The following LRRTM4 variants were observed in gnomAD, a reference collection of about 807,000 sequenced individuals.
The protein encoded by LRRTM4 is leucine-rich repeat transmembrane neuronal protein 4.
LRRTM4 carries 25 observed loss-of-function variants against 47.6 expected under a neutral mutation model. The observed-to-expected ratio is 0.53, with a 90% CI of 0.38 to 0.73. LRRTM4 has a LOEUF of 0.73. Among genes scored for constraint, LRRTM4 ranks in the 30% least tolerant of loss-of-function variants. The probability of loss-of-function intolerance (pLI) is 0.00; values close to 1 mark genes in which losing one functional copy is unlikely to be tolerated. For synonymous variants in LRRTM4, 311 were observed against 269.5 expected (o/e 1.15, Z -1.51); for missense variants, 638 against 713.4 (o/e 0.89, Z 1.20).
intron 3 of LRRTM4, among the ~76,000 whole-genome samples, chr2:76,818,427 A>G (rs1670961687): frequency 6.6e-6 from 1 of 151,820 alleles, no homozygotes; most frequent in Non-Finnish European, 1.5e-5. Flanking sequence ...GGCTGAACAC[A>G]TTACTAAACT....
rs141217394 is a variant in LRRTM4 at position 76,905,462 on chromosome 2, C to T, written c.1552-156546G>A. Among the ~76,000 whole-genome samples the T allele has an allele frequency of 5.1e-3, 778 of 152,238 alleles. 11 individuals carry two copies. The highest frequency in any genetic ancestry group is 0.017 in the African/African-American group (715 of 41,522). ...GAGCACCTCTCCTCCTCCAAAGGAT[C>T]GCAGTTCCTCACCAGCAATGGAAAA... On this transcript the variant is annotated intron_variant, in intron 3 of 3. Transcript: ENST00000409884.
chr2:77,374,711 A>G (rs1032434838), intron 3 of LRRTM4, among the ~76,000 whole-genome samples: 3 of 151,794 alleles, frequency 2.0e-5, no homozygotes, highest in Non-Finnish European at 2.9e-5. Flanking sequence ...ATTCTTGACT[A>G]GAGACCATCT....
intron 3 of LRRTM4, among the ~76,000 whole-genome samples, chr2:77,292,697 T>G (rs1309673742): frequency 2.0e-5 from 1 of 51,010 alleles, no homozygotes; most frequent in African/African-American, 7.5e-5. Context: ...GGGACTGTTG[T>G]GGGGTGGGGG....
At chr2:77,500,625 C>T (rs1265499879) in intron 3 of LRRTM4, among the ~76,000 whole-genome samples, 2 of 151,474 alleles carry the variant, frequency 1.3e-5, no homozygotes, top group Admixed American at 1.3e-4. Flanking sequence ...AAATGAAAAT[C>T]AACATAAGTA....
chr2:76,974,071 C>T (rs1472747485), intron 3 of LRRTM4, among the ~76,000 whole-genome samples: 5 of 150,626 alleles, frequency 3.3e-5, no homozygotes, highest in Non-Finnish European at 5.9e-5. Flanking sequence ...AAGGTTTTAC[C>T]ATCCGTTTAA....
chr2:76,905,693 A>G (rs1002966024), intron 3 of LRRTM4, among the ~76,000 whole-genome samples: 2 of 147,878 alleles, frequency 1.4e-5, no homozygotes, highest in African/African-American at 5.0e-5. Flanking sequence ...GAACTACGTG[A>G]AGAATGCAGA....
At chr2:76,750,667 T>C (rs764301854) in intron 3 of LRRTM4, among the ~76,000 whole-genome samples, 4 of 152,200 alleles carry the variant, frequency 2.6e-5, no homozygotes, top group Non-Finnish European at 5.9e-5. Flanking sequence ...TTAAATATAA[T>C]TCAGCAAACT....
At position 76,801,417 on chromosome 2, in the gene LRRTM4, A is replaced by G. The variant is rs921282269; in HGVS notation, c.1552-52501T>C. ...TTCTCAGTAAACTATCGCAAGAACA[A>G]AAAACCAAACAGCGCATATTCTCAC... On this transcript the variant is annotated intron_variant, in intron 3 of 3. Transcript: ENST00000409884. Among the ~76,000 whole-genome samples, 22 of 152,126 alleles carry G rather than the reference A, an allele frequency of 1.4e-4. 1 individual carries two copies. Among genetic ancestry groups the G allele is most frequent in the East Asian group, 3.9e-4 (2 of 5,174 alleles).
chr2:77,295,629 A>G (rs900505251), intron 3 of LRRTM4, among the ~76,000 whole-genome samples: 5 of 152,152 alleles, frequency 3.3e-5, no homozygotes, highest in African/African-American at 1.2e-4. Context: ...GTCCAAAATG[A>G]AGGTGTCGAG....
chr2:76,792,531 C>T (rs902647326), intron 3 of LRRTM4, among the ~76,000 whole-genome samples: 5 of 152,004 alleles, frequency 3.3e-5, no homozygotes, highest in Non-Finnish European at 7.4e-5. Context: ...GTATCACATT[C>T]AATCATATAC....
intron 3 of LRRTM4, among the ~76,000 whole-genome samples, chr2:77,476,053 A>G (rs1677375670): frequency 6.6e-6 from 1 of 151,956 alleles, no homozygotes; most frequent in Non-Finnish European, 1.5e-5. Flanking sequence ...ATATTTCCCT[A>G]TTGATTAATA....
At chr2:77,205,999 C>A (rs1406720133) in intron 3 of LRRTM4, among the ~76,000 whole-genome samples, 1 of 151,650 alleles carries the variant, frequency 6.6e-6, no homozygotes, top group African/African-American at 2.4e-5. Flanking sequence ...CCACCCCTGG[C>A]AAATTTATTT....
intron 3 of LRRTM4, among the ~76,000 whole-genome samples, chr2:77,421,656 G>A (rs180900961): frequency 2.6e-5 from 4 of 151,272 alleles, no homozygotes; most frequent in South Asian, 2.1e-4. Flanking sequence ...GCAGTGAGCC[G>A]AGATCACACC....
rs556953738 is a variant in LRRTM4 at position 77,346,827 on chromosome 2, T to A, written c.1551+171491A>T. ...GAAAATAATCACAATAGATTGATTT[T>A]AAAAAAAAGTTACAGAATAAAAGGA... On this transcript the variant is annotated intron_variant, in intron 3 of 3. Coordinates refer to ENST00000409884, the MANE Select transcript of LRRTM4 (RefSeq NM_001134745.3). Among the ~76,000 whole-genome samples, 373 of 152,030 alleles carry A rather than the reference T, an allele frequency of 2.5e-3. 1 individual carries two copies. The highest frequency in any genetic ancestry group is 3.9e-3 in the Non-Finnish European group (263 of 67,954).
At position 76,816,819 on chromosome 2, in the gene LRRTM4, G is replaced by GTTT. The variant is rs201525166; in HGVS notation, c.1552-67906_1552-67904dup. On this transcript the variant is annotated intron_variant, in intron 3 of 3. Transcript: ENST00000409884. ...CACTGCTTTTACTTAGAGGTAAAGA[G>GTTT]TTTTTTTTTTTTTTTTTTTTTTTTT... Among the ~76,000 whole-genome samples, 575 of 96,148 alleles carry GTTT rather than the reference G, an allele frequency of 6.0e-3. 34 individuals are homozygous for GTTT. The highest frequency in any genetic ancestry group is 9.1e-3 in the Non-Finnish European group (362 of 39,692). The allele number at this position is 96,148 out of a possible 152,430, so 63.1% of individuals were successfully genotyped here. A position where few individuals can be genotyped will look rare whatever the true frequency, so the allele number is the denominator to read the frequency against.
At chr2:77,251,778 A>C (rs1039788104) in intron 3 of LRRTM4, among the ~76,000 whole-genome samples, 38 of 152,104 alleles carry the variant, frequency 2.5e-4, no homozygotes, top group Non-Finnish European at 1.5e-5. Context: ...TAATGGCTGC[A>C]TGGGGTTCTA....
intron 3 of LRRTM4, among the ~76,000 whole-genome samples, chr2:77,430,509 A>G (rs952766386): frequency 1.6e-4 from 25 of 152,052 alleles, no homozygotes; most frequent in African/African-American, 5.8e-4. Flanking sequence ...ATCACCTGAC[A>G]TCGGGAGTTC....
At chr2:76,984,503 G>T (rs1247417709) in intron 3 of LRRTM4, among the ~76,000 whole-genome samples, 1 of 151,850 alleles carries the variant, frequency 6.6e-6, no homozygotes. Context: ...GTAACATTTG[G>T]CCTATGGGAC....
chr2:77,031,140 A>G (rs1678640454), intron 3 of LRRTM4, among the ~76,000 whole-genome samples: 1 of 151,996 alleles, frequency 6.6e-6, no homozygotes, highest in South Asian at 2.1e-4. Context: ...TTTTTCTGTT[A>G]TTTATATAGC....
Sources: allele counts gnomAD v4.1 joint callset (sites outside exome capture counted in the v4.1 genomes callset), GRCh38; gene constraint gnomAD v4.1.1; transcripts MANE v1.5; gene names NCBI Gene and HGNC (gene_info 2026-07-23, HGNC 2026-07-21).